The following COX5A variants were observed in gnomAD, a reference collection of about 807,000 sequenced individuals.
COX5A encodes cytochrome c oxidase subunit 5A, also known as cytochrome c oxidase subunit 5A, mitochondrial.
Under a neutral mutation model 16.1 loss-of-function variants are expected in COX5A, and 6 were observed. The ratio of observed to expected loss-of-function variants is 0.37; its 90% CI spans 0.20 to 0.73. The LOEUF (loss-of-function observed/expected upper bound fraction) is 0.73. Among genes scored for constraint, COX5A ranks in the 30% least tolerant of loss-of-function variants. COX5A has a pLI of 0.50. For missense variants in COX5A, 159 were observed against 194.9 expected (o/e 0.82, Z 1.10); for synonymous variants, 73 against 73.8 (o/e 0.99, Z 0.06).
intron 4 of COX5A, among the ~76,000 whole-genome samples, chr15:74,921,194 T>TC (rs2065318182): frequency 6.9e-6 from 1 of 144,432 alleles, no homozygotes; most frequent in Non-Finnish European, 1.5e-5. Context: ...GATCGCGAAG[T>TC]CAGGAGATTT....
intron 1 of COX5A, among the ~76,000 whole-genome samples, chr15:74,933,447 C>T (rs1010599439): frequency 1.5e-5 from 2 of 136,966 alleles, no homozygotes; most frequent in African/African-American, 5.4e-5. Context: ...ATCTATCTAT[C>T]TATCTATCTA....
At chr15:74,921,449 G>C (rs951472157) in intron 4 of COX5A, among the ~76,000 whole-genome samples, 7 of 149,188 alleles carry the variant, frequency 4.7e-5, no homozygotes, top group Non-Finnish European at 8.9e-5. Context: ...CAATCACAGG[G>C]CCAGACGCGG....
intron 1 of COX5A, among the ~76,000 whole-genome samples, chr15:74,936,196 C>T (rs2065389301): frequency 6.6e-6 from 1 of 151,984 alleles, no homozygotes; most frequent in East Asian, 1.9e-4. Context: ...GAGGCTGAGG[C>T]AGGAGAATCG....
intron 1 of COX5A, among the ~76,000 whole-genome samples, chr15:74,931,679 G>C (rs571128768): frequency 1.1e-4 from 17 of 150,580 alleles, no homozygotes; most frequent in East Asian, 2.0e-4. Flanking sequence ...TCAGCCTTCT[G>C]AGTAGCTGAG....
At chr15:74,921,190 G>C (rs181193899) in intron 4 of COX5A, among the ~76,000 whole-genome samples, 2 of 146,536 alleles carry the variant, frequency 1.4e-5, no homozygotes, top group Non-Finnish European at 3.0e-5. Context: ...GGCAGATCGC[G>C]AAGTCAGGAG....
chr15:74,925,952 G>A (rs1252742470), intron 3 of COX5A, among the ~76,000 whole-genome samples: 1 of 149,160 alleles, frequency 6.7e-6, no homozygotes, highest in Non-Finnish European at 1.5e-5. Flanking sequence ...TGCTACCTCC[G>A]CCTCCCGGGT....
chr15:74,919,838 CA>C lies in COX5A; in HGVS notation c.*613del, dbSNP rs1231087829. On this transcript the variant is annotated 3_prime_UTR_variant, in exon 5 of 5. Coordinates refer to ENST00000322347, the MANE Select transcript of COX5A (RefSeq NM_004255.4). Reference sequence around the variant, plus strand: ...TCAGAATGCCTCCAAATTTACAAAGCAAATGTTTTAATGTCCAAGGCTAATA... The same window carrying C: ...TCAGAATGCCTCCAAATTTACAAAGCAATGTTTTAATGTCCAAGGCTAATA... The C allele has an allele frequency of 6.6e-6, 1 of 152,232 alleles. No individual in the cohort carries two copies. Among genetic ancestry groups the C allele is most frequent in the African/African-American group, 2.4e-5 (1 of 41,420 alleles). The allele number at this position is 152,232 out of a possible 1,614,324, so 9.4% of individuals were successfully genotyped here.
At chr15:74,922,876 C>T (rs1358179469) in intron 4 of COX5A, among the ~76,000 whole-genome samples, 4 of 151,768 alleles carry the variant, frequency 2.6e-5, no homozygotes, top group African/African-American at 9.7e-5. Flanking sequence ...ATGCTGGTCT[C>T]GAACTCCTGA....
intron 1 of COX5A, among the ~76,000 whole-genome samples, chr15:74,937,418 A>G (rs1284948264): frequency 6.6e-6 from 1 of 152,208 alleles, no homozygotes; most frequent in Non-Finnish European, 1.5e-5. Context: ...ATGATGGAAA[A>G]GGCTGTGAAG....
chr15:74,929,363 A>T lies in COX5A; in HGVS notation c.101-131T>A, dbSNP rs932862668. On this transcript the variant is annotated intron_variant, in intron 1 of 4. Coordinates refer to ENST00000322347, the MANE Select transcript of COX5A (RefSeq NM_004255.4). ...ATATTGAACAGGTCAAATGAAATAC[A>T]TCGTATACATTGATACAGAAAGATA... 20 of 645,070 alleles carry T rather than the reference A, an allele frequency of 3.1e-5. No homozygotes were observed. In the African/African-American group the frequency reaches 3.3e-4, roughly 11 times the overall value. The allele number at this position is 645,070 out of a possible 1,614,324, so 40.0% of individuals were successfully genotyped here. A position where few individuals can be genotyped will look rare whatever the true frequency, so the allele number is the denominator to read the frequency against.
intron 1 of COX5A, among the ~76,000 whole-genome samples, chr15:74,934,314 T>C (rs2065379661): frequency 6.6e-6 from 1 of 150,882 alleles, no homozygotes; most frequent in Non-Finnish European, 1.5e-5. Context: ...TAAAACAGAC[T>C]CTCCCCACGT....
chr15:74,937,760 C>T, intron 1 of COX5A, 155 bp downstream of exon 1: 1 of 435,924 alleles, frequency 2.3e-6, no homozygotes, highest in Non-Finnish European at 3.8e-6. Context: ...TCCTCCACTA[C>T]TCGAGGCGGC....
chr15:74,927,094 A>T (rs2065347775), intron 2 of COX5A, among the ~76,000 whole-genome samples: 1 of 152,222 alleles, frequency 6.6e-6, no homozygotes, highest in Non-Finnish European at 1.5e-5. Context: ...GTGGAAAGAA[A>T]GAACTATGCA....
At chr15:74,924,554 G>A (rs1299965587) in intron 3 of COX5A, among the ~76,000 whole-genome samples, 1 of 151,920 alleles carries the variant, frequency 6.6e-6, no homozygotes, top group Admixed American at 6.6e-5. Flanking sequence ...AAAATAAAGA[G>A]GGCAACTTAT....
chr15:74,926,422 C>T (rs1208633429), intron 3 of COX5A, among the ~76,000 whole-genome samples: 3 of 151,280 alleles, frequency 2.0e-5, no homozygotes, highest in East Asian at 3.9e-4. Context: ...ATGATCCACC[C>T]GCCTTAGCCT....
chr15:74,927,321 C>T (rs2065348862), intron 2 of COX5A, among the ~76,000 whole-genome samples: 2 of 152,000 alleles, frequency 1.3e-5, no homozygotes, highest in South Asian at 2.1e-4. Context: ...GGATTACAGG[C>T]GGGTGCCACC....
intron 1 of COX5A, among the ~76,000 whole-genome samples, chr15:74,931,899 G>C (rs1354120377): frequency 6.6e-6 from 1 of 152,118 alleles, no homozygotes; most frequent in Non-Finnish European, 1.5e-5. Context: ...ATTGAGTTTG[G>C]AAATCTGAAT....
intron 1 of COX5A, among the ~76,000 whole-genome samples, chr15:74,932,347 G>T (rs1311132707): frequency 4.2e-5 from 6 of 141,480 alleles, no homozygotes; most frequent in Non-Finnish European, 7.5e-5. Flanking sequence ...AGAGATGGGG[G>T]TCTTGATATG....
intron 2 of COX5A, 135 bp downstream of exon 2, chr15:74,928,981 C>T: frequency 1.4e-6 from 1 of 698,164 alleles, no homozygotes; most frequent in Admixed American, 2.2e-5. Flanking sequence ...TAGCCATAAA[C>T]TTTCCTAACT....
Sources: gnomAD v4.1 joint callset for allele counts (sites outside exome capture counted in the v4.1 genomes callset) on GRCh38, gnomAD v4.1.1 for gene constraint, MANE v1.5 for transcripts, NCBI Gene and HGNC (gene_info 2026-07-23, HGNC 2026-07-21) for gene names.